The following PDE3A variants were observed in gnomAD, a reference collection of about 807,000 sequenced individuals.
The protein encoded by PDE3A is cGMP-inhibited 3',5'-cyclic phosphodiesterase 3A.
Under a neutral mutation model 98.3 loss-of-function variants are expected in PDE3A, and 43 were observed. The ratio of observed to expected loss-of-function variants is 0.44; its 90% CI spans 0.34 to 0.56. The LOEUF is 0.56. PDE3A is among the 20% of genes least tolerant of loss of function. The pLI, the probability that PDE3A is intolerant of heterozygous loss-of-function variation, is 0.01. For synonymous variants in PDE3A, 663 were observed against 567.9 expected (o/e 1.17, Z -2.38); for missense variants, 1,427 against 1,440.7 (o/e 0.99, Z 0.15).
At chr12:20,450,950 T>A (rs897154406) in intron 1 of PDE3A, among the ~76,000 whole-genome samples, 2 of 152,182 alleles carry the variant, frequency 1.3e-5, no homozygotes, top group African/African-American at 4.8e-5. Flanking sequence ...CAAGAAACAG[T>A]TTCTAACTTC....
At chr12:20,600,064 T>G (rs1257241445) in intron 2 of PDE3A, among the ~76,000 whole-genome samples, 1 of 152,206 alleles carries the variant, frequency 6.6e-6, no homozygotes, top group African/African-American at 2.4e-5. Context: ...TTATTTCCTT[T>G]TGTGGATTTC....
chr12:20,487,302 A>G (rs895215489), intron 1 of PDE3A, among the ~76,000 whole-genome samples: 1 of 152,044 alleles, frequency 6.6e-6, no homozygotes, highest in Non-Finnish European at 1.5e-5. Flanking sequence ...GTTACAACTG[A>G]TTCAAATGAG....
In PDE3A at chr12:20,680,483, A is replaced by G; in HGVS notation, c.*212A>G. 1.8e-6 allele frequency: 1 copy of G among 541,344 alleles called. No homozygotes were observed. Among genetic ancestry groups the G allele is most frequent in the Non-Finnish European group, 3.3e-6 (1 of 299,324 alleles). 33.5% of individuals were successfully genotyped at this position (541,344 alleles called of 1,614,324 possible). On this transcript the variant is annotated 3_prime_UTR_variant, in exon 16 of 16. Transcript: ENST00000359062. ...AAAGAAGCTTTCACATTGCAACACC[A>G]GCTTCTAAGGATTTTTTAAGGAGGG...
At chr12:20,544,298 T>C (rs959510030) in intron 1 of PDE3A, among the ~76,000 whole-genome samples, 9 of 151,610 alleles carry the variant, frequency 5.9e-5, no homozygotes, top group Non-Finnish European at 1.3e-4. Flanking sequence ...TGAGATGTGC[T>C]AATAGAGAAT....
At chr12:20,523,643 T>G (rs891925283) in intron 1 of PDE3A, among the ~76,000 whole-genome samples, 1 of 152,244 alleles carries the variant, frequency 6.6e-6, no homozygotes, top group African/African-American at 2.4e-5. Context: ...CTTGATATTT[T>G]CTGATTTGAA....
intron 1 of PDE3A, among the ~76,000 whole-genome samples, chr12:20,419,958 C>T (rs577853193): frequency 1.3e-5 from 2 of 152,042 alleles, no homozygotes; most frequent in East Asian, 1.9e-4. Context: ...AGGCTAGTCT[C>T]GAACTCCTGA....
At chr12:20,656,282 T>C (rs1945041774) in intron 15 of PDE3A, among the ~76,000 whole-genome samples, 1 of 152,206 alleles carries the variant, frequency 6.6e-6, no homozygotes, top group African/African-American at 2.4e-5. Context: ...AACCATCTTG[T>C]AAGGAGATTA....
At chr12:20,673,811 C>T (rs971153212) in intron 15 of PDE3A, among the ~76,000 whole-genome samples, 1 of 149,672 alleles carries the variant, frequency 6.7e-6, no homozygotes, top group African/African-American at 2.5e-5. Flanking sequence ...AACTAACCTG[C>T]ACAATGTGCA....
intron 1 of PDE3A, among the ~76,000 whole-genome samples, chr12:20,533,563 G>T (rs1941668956): frequency 6.7e-6 from 1 of 149,676 alleles, no homozygotes; most frequent in South Asian, 2.1e-4. Context: ...CTCACTGCAA[G>T]CTCCGCCTCC....
intron 5 of PDE3A, 105 bp downstream of exon 5, chr12:20,621,516 T>C (rs548027548): frequency 6.2e-6 from 4 of 646,210 alleles, no homozygotes; most frequent in South Asian, 3.8e-5. Flanking sequence ...TATTCAGATA[T>C]GTTTGGTTTG....
At chr12:20,508,944 A>G (rs1234095920) in intron 1 of PDE3A, among the ~76,000 whole-genome samples, 1 of 151,942 alleles carries the variant, frequency 6.6e-6, no homozygotes, top group Non-Finnish European at 1.5e-5. Context: ...TTAAGGAATT[A>G]TATCTTTAAA....
chr12:20,475,544 C>T lies in PDE3A; in HGVS notation c.961-81116C>T, dbSNP rs562223285. On this transcript the variant is annotated intron_variant, in intron 1 of 15. Transcript: ENST00000359062. ...AGGGGTTTGAGACCAGCCTGGCCAA[C>T]GTGGTGAAACCCCATCTCTACCAAA... Among the ~76,000 whole-genome samples the T allele has an allele frequency of 2.7e-3, 417 of 152,072 alleles. 3 individuals carry two copies. Among genetic ancestry groups the T allele is most frequent in the African/African-American group, 8.6e-3 (355 of 41,476 alleles).
chr12:20,427,050 G>A (rs1944611962), intron 1 of PDE3A, among the ~76,000 whole-genome samples: 1 of 152,128 alleles, frequency 6.6e-6, no homozygotes, highest in South Asian at 2.1e-4. Flanking sequence ...CTTAAGAATG[G>A]ATCAAGGAAC....
At chr12:20,411,439 T>C (rs1310362522) in intron 1 of PDE3A, among the ~76,000 whole-genome samples, 1 of 152,198 alleles carries the variant, frequency 6.6e-6, no homozygotes, top group East Asian at 1.9e-4. Flanking sequence ...CTTGGCATAA[T>C]GTATTCAAGG....
chr12:20,423,686 T>C (rs1257760522), intron 1 of PDE3A, among the ~76,000 whole-genome samples: 1 of 152,144 alleles, frequency 6.6e-6, no homozygotes, highest in African/African-American at 2.4e-5. Context: ...TTTTCATCCT[T>C]CTTATACCAC....
chr12:20,404,826 G>GTTTT (rs60736941), intron 1 of PDE3A, among the ~76,000 whole-genome samples: 8,612 of 94,888 alleles, frequency 0.091, 862 homozygotes, highest in African/African-American at 0.16. Context: ...AGGTTACAGA[G>GTTTT]TTTTTTTTTT....
Position 20,552,066 on chromosome 12 carries a change from G to C in PDE3A, c.961-4594G>C. ...ACCATGGGAATTTTTTCACATACACGGGTAGTGGTGGTCGAGAGCTTTCCG... is the reference window on the plus strand; with the variant it reads ...ACCATGGGAATTTTTTCACATACACCGGTAGTGGTGGTCGAGAGCTTTCCG... On this transcript the variant is annotated intron_variant, in intron 1 of 15. Transcript: ENST00000359062. This position sits in a 1 kb window ranked among gnomAD's most constrained non-coding sequence, Gnocchi z 5.1. 2 of 1,610,498 alleles carry C rather than the reference G, an allele frequency of 1.2e-6. No individual in the cohort carries two copies. Among genetic ancestry groups the C allele is most frequent in the South Asian group, 2.2e-5 (2 of 91,012 alleles).
intron 1 of PDE3A, among the ~76,000 whole-genome samples, chr12:20,385,001 C>T (rs10770645): frequency 0.23 from 34,951 of 151,636 alleles, 4,962 homozygotes; most frequent in African/African-American, 0.38. Context: ...TAAACATGCA[C>T]GTATTTTTAT....
chr12:20,386,983 C>T (rs953463065), intron 1 of PDE3A, among the ~76,000 whole-genome samples: 1 of 152,030 alleles, frequency 6.6e-6, no homozygotes, highest in Non-Finnish European at 1.5e-5. Flanking sequence ...TTTCAATTTT[C>T]TGGGTATGGC....
Sources: allele counts gnomAD v4.1 joint callset (sites outside exome capture counted in the v4.1 genomes callset), GRCh38; gene constraint gnomAD v4.1.1; non-coding constraint Gnocchi (gnomAD v3.1); transcripts MANE v1.5; gene names NCBI Gene and HGNC (gene_info 2026-07-23, HGNC 2026-07-21).